Variants in TMEM178B observed in about 807,000 individuals in gnomAD.
TMEM178B encodes the protein transmembrane protein 178B.
A neutral mutation model predicts 31.0 loss-of-function variants in TMEM178B; 5 were observed. That is an observed-to-expected ratio of 0.16 (90% CI 0.08 to 0.34). The LOEUF is 0.34. TMEM178B is among the 10% of genes least tolerant of loss of function. The pLI is 1.00. For synonymous variants in TMEM178B, 164 were observed against 164.0 expected (o/e 1.00, Z 0.00); for missense variants, 275 against 400.3 (o/e 0.69, Z 2.67).
intron 2 of TMEM178B, among the ~76,000 whole-genome samples, chr7:141,420,463 T>C (rs1320618206): frequency 6.6e-6 from 1 of 152,104 alleles, no homozygotes; most frequent in African/African-American, 2.4e-5. Context: ...CTTGGCAAGA[T>C]CTTTATTTGA....
At chr7:141,219,544 A>T (rs1414788057) in intron 2 of TMEM178B, among the ~76,000 whole-genome samples, 1 of 152,130 alleles carries the variant, frequency 6.6e-6, no homozygotes, top group Non-Finnish European at 1.5e-5. Flanking sequence ...TAGCAAGAAG[A>T]CTCAGCCAAC....
intron 2 of TMEM178B, among the ~76,000 whole-genome samples, chr7:141,389,369 G>A (rs569610292): frequency 6.6e-5 from 10 of 152,310 alleles, no homozygotes; most frequent in African/African-American, 2.4e-4. Context: ...GGACTCTGGA[G>A]TGGTCTGTCT....
At chr7:141,139,193 G>A (rs1257689851) in intron 1 of TMEM178B, among the ~76,000 whole-genome samples, 5 of 151,988 alleles carry the variant, frequency 3.3e-5, no homozygotes, top group South Asian at 2.1e-4. Flanking sequence ...CTTTTCTTTC[G>A]CCATTAATCA....
At chr7:141,386,135 C>A (rs963108157) in intron 2 of TMEM178B, among the ~76,000 whole-genome samples, 3 of 152,098 alleles carry the variant, frequency 2.0e-5, no homozygotes, top group African/African-American at 7.2e-5. Flanking sequence ...TTTGAGGGGC[C>A]AAAGGGGTTT....
intron 2 of TMEM178B, among the ~76,000 whole-genome samples, chr7:141,389,170 A>G (rs917156): frequency 1 from 151,651 of 152,326 alleles, 75,489 homozygotes; most frequent in Middle Eastern, 1. Context: ...CACTTCTTCC[A>G]GATACCACTA....
At chr7:141,437,006 C>T (rs1349064474) in intron 2 of TMEM178B, among the ~76,000 whole-genome samples, 1 of 152,078 alleles carries the variant, frequency 6.6e-6, no homozygotes, top group East Asian at 1.9e-4. Context: ...GAAAGCTAAG[C>T]CCAGGAGCCA....
chr7:141,180,978 C>T lies in TMEM178B; in HGVS notation c.383-31613C>T, dbSNP rs560996062. On this transcript the variant is annotated intron_variant, in intron 1 of 3. Coordinates refer to ENST00000565468, the MANE Select transcript of TMEM178B (RefSeq NM_001195278.2). ...TCAACATCCATTCATCCATCCTCCT[C>T]CCCACCCATCCATCCACCCATCCAC... Among the ~76,000 whole-genome samples the T allele has an allele frequency of 3.7e-3, 556 of 152,242 alleles. 2 individuals are homozygous for T. Among genetic ancestry groups the T allele is most frequent in the Middle Eastern group, 0.014 (4 of 294 alleles).
At chr7:141,254,507 C>T (rs1586852576) in intron 2 of TMEM178B, among the ~76,000 whole-genome samples, 1 of 152,160 alleles carries the variant, frequency 6.6e-6, no homozygotes, top group Non-Finnish European at 1.5e-5. Context: ...CACCTGAGGT[C>T]AGGAGTTCGA....
the TMEM178B span, among the ~76,000 whole-genome samples, chr7:141,496,532 T>C: frequency 4.7e-5 from 7 of 148,056 alleles, no homozygotes; most frequent in Admixed American, 2.0e-4. Context: ...TAGCCAGGTG[T>C]AGTGGCGGGC....
chr7:141,106,638 T>C (rs1795152138), intron 1 of TMEM178B, among the ~76,000 whole-genome samples: 1 of 152,238 alleles, frequency 6.6e-6, no homozygotes, highest in African/African-American at 2.4e-5. Context: ...CTAGATAATT[T>C]GATAAACACA....
At chr7:141,311,851 T>C (rs1270444576) in intron 2 of TMEM178B, among the ~76,000 whole-genome samples, 3 of 152,140 alleles carry the variant, frequency 2.0e-5, no homozygotes, top group African/African-American at 7.2e-5. Flanking sequence ...GAGGAGGATG[T>C]AACTAAGAGA....
intron 2 of TMEM178B, among the ~76,000 whole-genome samples, chr7:141,219,412 C>T (rs1401000485): frequency 6.6e-6 from 1 of 152,192 alleles, no homozygotes; most frequent in Admixed American, 6.5e-5. Context: ...GGTGCTCAGC[C>T]AGTATGAGGC....
chr7:141,158,574 A>C (rs897672830), intron 1 of TMEM178B, among the ~76,000 whole-genome samples: 1 of 152,236 alleles, frequency 6.6e-6, no homozygotes, highest in African/African-American at 2.4e-5. Context: ...TTATCTATAA[A>C]TGTGGCAAGG....
At chr7:141,204,474 G>T (rs886091508) in intron 1 of TMEM178B, among the ~76,000 whole-genome samples, 3 of 152,184 alleles carry the variant, frequency 2.0e-5, no homozygotes, top group African/African-American at 7.2e-5. Flanking sequence ...AGCTTTCCCA[G>T]GAGCGTCCAC....
chr7:141,202,984 A>G (rs763345195), intron 1 of TMEM178B, among the ~76,000 whole-genome samples: 2 of 152,132 alleles, frequency 1.3e-5, no homozygotes, highest in Admixed American at 6.5e-5. Context: ...TCACCGACCA[A>G]GTTTCCCTTT....
intron 2 of TMEM178B, among the ~76,000 whole-genome samples, chr7:141,229,097 TGTG>T (rs1563124982): frequency 8.9e-6 from 1 of 112,846 alleles, no homozygotes; most frequent in Non-Finnish European, 1.9e-5. Flanking sequence ...GATGTGTGTG[TGTG>T]GTGTGTGTGT....
chr7:141,402,374 G>T (rs1183696770), intron 2 of TMEM178B, among the ~76,000 whole-genome samples: 1 of 152,196 alleles, frequency 6.6e-6, no homozygotes, highest in Admixed American at 6.5e-5. Context: ...GCAGAGATGG[G>T]AGTCCGGTCT....
At chr7:141,205,125 T>G (rs1400584598) in intron 1 of TMEM178B, among the ~76,000 whole-genome samples, 1 of 152,244 alleles carries the variant, frequency 6.6e-6, no homozygotes, top group Admixed American at 6.5e-5. Context: ...GCACTTCGAC[T>G]GATTTCGATA....
chr7:141,226,232 G>A (rs1190685238), intron 2 of TMEM178B, among the ~76,000 whole-genome samples: 5 of 152,162 alleles, frequency 3.3e-5, no homozygotes, highest in Non-Finnish European at 7.4e-5. Flanking sequence ...GGGGGAGGGT[G>A]TGAAGAAGGA....
Sources: gnomAD v4.1 joint callset for allele counts (sites outside exome capture counted in the v4.1 genomes callset) on GRCh38, gnomAD v4.1.1 for gene constraint, MANE v1.5 for transcripts, NCBI Gene and HGNC (gene_info 2026-07-23, HGNC 2026-07-21) for gene names.